PTCD1: variants seen among roughly 807,000 people sequenced by gnomAD.
PTCD1 encodes pentatricopeptide repeat-containing protein 1, mitochondrial.
PTCD1 carries 50 observed loss-of-function variants against 53.4 expected under a neutral mutation model. The observed-to-expected ratio is 0.94, with a 90% CI of 0.75 to 1.19. PTCD1 has a LOEUF of 1.19. Among genes scored for constraint, PTCD1 ranks in the 50% most tolerant of loss-of-function variants. The pLI is 0.00. For synonymous variants in PTCD1, 413 were observed against 394.8 expected (o/e 1.05, Z -0.55); for missense variants, 918 against 904.8 (o/e 1.01, Z -0.19).
chr7:99,438,217 G>A (rs1401182196), intron 1 of PTCD1, among the ~76,000 whole-genome samples: 1 of 152,056 alleles, frequency 6.6e-6, no homozygotes, highest in Non-Finnish European at 1.5e-5. Context: ...TTGGGCTTGG[G>A]GCCAGGAGTT....
intron 3 of PTCD1, among the ~76,000 whole-genome samples, chr7:99,431,363 C>T (rs1053688011): frequency 2.6e-5 from 4 of 151,912 alleles, no homozygotes; most frequent in South Asian, 2.1e-4. Context: ...CTCTTGACCT[C>T]GTGATCCGCC....
chr7:99,431,715 T>C (rs906753636), intron 3 of PTCD1, among the ~76,000 whole-genome samples: 4 of 152,026 alleles, frequency 2.6e-5, no homozygotes, highest in African/African-American at 9.7e-5. Flanking sequence ...CACTCCAGCC[T>C]GGGCGACAGA....
chr7:99,426,444 G>A (rs112857300), intron 5 of PTCD1, among the ~76,000 whole-genome samples: 1 of 152,282 alleles, frequency 6.6e-6, no homozygotes, highest in African/African-American at 2.4e-5. Context: ...CACCAACCTC[G>A]GCCTCCCGAG....
intron 3 of PTCD1, among the ~76,000 whole-genome samples, chr7:99,432,509 C>T (rs1158891970): frequency 6.6e-6 from 1 of 152,196 alleles, no homozygotes; most frequent in Middle Eastern, 3.2e-3. Flanking sequence ...CCCTATCGTC[C>T]TGCCACATCC....
At chr7:99,423,241 A>G (rs1441352951) in intron 7 of PTCD1, among the ~76,000 whole-genome samples, 1 of 152,126 alleles carries the variant, frequency 6.6e-6, no homozygotes, top group Non-Finnish European at 1.5e-5. Flanking sequence ...AGTACCCAGC[A>G]ACGTGCAGGT....
chr7:99,419,894 G>C lies in PTCD1; in HGVS notation c.*73C>G, dbSNP rs1183441873. On this transcript the variant is annotated 3_prime_UTR_variant, in exon 8 of 8. Transcript: ENST00000292478. ...CTGGCTCTTCCCCCAGGCAGGAGGTGACACCAGCTCACTTGTCCTGGGGCT... is the reference window on the plus strand; with the variant it reads ...CTGGCTCTTCCCCCAGGCAGGAGGTCACACCAGCTCACTTGTCCTGGGGCT... The C allele has an allele frequency of 3.7e-6, 6 of 1,607,548 alleles. No homozygotes were observed. The African/African-American group carries it at 8.0e-5, about 21-fold the overall frequency.
In PTCD1 at chr7:99,419,463, A is replaced by G. The variant is rs769653272; in HGVS notation, c.*504T>C. 6.2e-7 allele frequency: 1 copy of G among 1,608,932 alleles called. No individual in the cohort carries two copies. ...CTGAGGCTGGCGCGCTCCACCCTGG[A>G]CTCTGGACTTCGCAGGTTCCTGCCT... On this transcript the variant is annotated 3_prime_UTR_variant, in exon 8 of 8. Transcript: ENST00000292478.
At chr7:99,436,824 C>T (rs1325002653) in intron 1 of PTCD1, among the ~76,000 whole-genome samples, 1 of 152,118 alleles carries the variant, frequency 6.6e-6, no homozygotes, top group African/African-American at 2.4e-5. Flanking sequence ...TCTGGCAAGC[C>T]CTGCCACTCC....
rs1368741748 is a variant in PTCD1 at position 99,425,487 on chromosome 7, C to T, written c.1045G>A (p.Glu349Lys). The change falls in exon 6 of 8, where the codon GAG becomes AAG. Residue 349 changes from glutamate to lysine, a missense_variant. Transcript: ENST00000292478. ...VASELLLKPR[E>K]EATVLQPPVS... is the part of the protein sequence containing the mutation. ...GGGGGCTGAAGCACAGTCGCCTCCT[C>T]CCTGGGCTTCAGAAGCAGCTCTGAG... The T allele has an allele frequency of 1.9e-6, 3 of 1,612,808 alleles. No homozygotes were observed. Among genetic ancestry groups the T allele is most frequent in the Admixed American group, 1.7e-5 (1 of 60,010 alleles).
Position 99,429,724 on chromosome 7 carries a change from G to A in PTCD1, c.677C>T (p.Ser226Leu). The A allele has an allele frequency of 6.2e-7, 1 of 1,614,240 alleles. No individual in the cohort carries two copies. The highest frequency in any genetic ancestry group is 8.5e-7 in the Non-Finnish European group (1 of 1,180,044). The change falls in exon 4 of 8, where the codon TCA (serine) becomes TTA (leucine). Residue 226 changes from serine (S) to leucine (L), a missense_variant. Physicochemically the swap from Ser to Leu is moderately radical, Grantham distance 145. Coordinates refer to ENST00000292478, the MANE Select transcript of PTCD1 (RefSeq NM_015545.4). ...NVCAESPWKDSALQSALKLRQ... is the reference protein window; with the variant it reads ...NVCAESPWKDLALQSALKLRQ... ...GAGCTTCAGGGCGCTCTGTAGAGCT[G>A]AGTCCTTCCAGGGGGACTCGGCACA...
intron 7 of PTCD1, among the ~76,000 whole-genome samples, chr7:99,423,015 TCAC>T (rs1370532070): frequency 1.3e-5 from 2 of 151,308 alleles, no homozygotes; most frequent in Non-Finnish European, 2.9e-5. Flanking sequence ...TTTTTTTTTT[TCAC>T]CACCACACCG....
At position 99,423,894 on chromosome 7, in the gene PTCD1, G is replaced by C. The variant is rs1033923481; in HGVS notation, c.1801C>G (p.Leu601Val). ...ATGCTGATGAGATAGGTGTAGTTCA[G>C]CTTCCTGATGGCCGCGTTGATGAGG... is the stretch of plus-strand genomic sequence containing the variant. ...SALINAAIRK[L>V]NYTYLISILK... Residue 601 changes from leucine (L) to valine (V), a missense_variant, in exon 7 of 8, where the codon CTG becomes GTG. By Grantham distance (32) the Leu-to-Val change is conservative. Transcript: ENST00000292478. 1 of 1,614,172 alleles carries C rather than the reference G, an allele frequency of 6.2e-7. No homozygotes were observed. Among genetic ancestry groups the C allele is most frequent in the Admixed American group, 1.7e-5 (1 of 60,014 alleles).
In PTCD1 at chr7:99,435,003, T is replaced by C. The variant is rs781709537; in HGVS notation, c.240A>G (p.Glu80=). The change falls in exon 2 of 8, where the codon GAA becomes GAG. Residue 80 remains glutamate (E), a synonymous_variant. Coordinates refer to ENST00000292478, the MANE Select transcript of PTCD1 (RefSeq NM_015545.4). ...PSHSNSTATQ[E]EDEEEEESFG... Reference sequence around the variant, plus strand: ...AACTCTCCTCCTCCTCCTCGTCTTCTTCCTGCGTGGCCGTGGAGTTGGAGT... The same window carrying C: ...AACTCTCCTCCTCCTCCTCGTCTTCCTCCTGCGTGGCCGTGGAGTTGGAGT... 25 of 1,614,062 alleles carry C rather than the reference T, an allele frequency of 1.5e-5. No homozygotes were observed. The highest frequency in any genetic ancestry group is 3.3e-5 in the South Asian group (3 of 91,090).
Position 99,420,150 on chromosome 7 carries a change from CTAGAATTAG to C in PTCD1, c.1921-10_1921-2del. 1.2e-6 allele frequency: 2 copies of C among 1,614,182 alleles called. No homozygotes were observed. On this transcript the variant is annotated splice_acceptor_variant and splice_polypyrimidine_tract_variant and intron_variant, in intron 7 of 7. Coordinates refer to ENST00000292478, the MANE Select transcript of PTCD1 (RefSeq NM_015545.4). LOFTEE classifies it high-confidence loss of function. ...CCAGGTAGGTGTTCTTCCCTTGGTA[CTAGAATTAG>C]AAAAGTGAGGCTAGAATCACTCCTG... is the stretch of plus-strand genomic sequence containing the variant.
chr7:99,436,968 G>T (rs1796491211), intron 1 of PTCD1, among the ~76,000 whole-genome samples: 2 of 152,332 alleles, frequency 1.3e-5, no homozygotes, highest in African/African-American at 4.8e-5. Flanking sequence ...GGGCTCAAGT[G>T]ATCCTCCTAC....
Position 99,425,178 on chromosome 7 carries a change from C to T in PTCD1, c.1354G>A (p.Val452Met). 6.2e-7 allele frequency: 1 copy of T among 1,613,514 alleles called. No individual in the cohort carries two copies. Among genetic ancestry groups the T allele is most frequent in the Non-Finnish European group, 8.5e-7 (1 of 1,179,496 alleles). The change falls in exon 6 of 8, where the codon GTG becomes ATG. Residue 452 changes from valine (V) to methionine (M), a missense_variant. Coordinates refer to ENST00000292478, the MANE Select transcript of PTCD1 (RefSeq NM_015545.4). ...LLTPGAVPPT[V>M]VSFGTVTTPA... ...GTGGTCACCGTTCCAAAGGAGACCACTGTAGGGGGAACGGCCCCGGGGGTC... is the reference window on the plus strand; with the variant it reads ...GTGGTCACCGTTCCAAAGGAGACCATTGTAGGGGGAACGGCCCCGGGGGTC...
chr7:99,433,164 G>C (rs1392052554), intron 3 of PTCD1, 114 bp downstream of exon 3: 1 of 1,528,170 alleles, frequency 6.5e-7, no homozygotes, highest in Non-Finnish European at 9.1e-7. Context: ...AGATGACTCT[G>C]AGGCCAGGGA....
chr7:99,419,368 C>T lies in PTCD1; in HGVS notation c.*599G>A, dbSNP rs746525253. ...GGCGAGCGTGGCGCAGTGGCATCGT[C>T]TCACTGTCCTCCTCCGTTGCAGGGC... On this transcript the variant is annotated 3_prime_UTR_variant, in exon 8 of 8. Transcript: ENST00000292478. The T allele has an allele frequency of 1.2e-6, 2 of 1,612,558 alleles. No individual in the cohort carries two copies. The highest frequency in any genetic ancestry group is 1.3e-5 in the African/African-American group (1 of 74,902).
chr7:99,421,880 T>C (rs550229737), intron 7 of PTCD1, among the ~76,000 whole-genome samples: 1 of 152,176 alleles, frequency 6.6e-6, no homozygotes, highest in East Asian at 1.9e-4. Context: ...CCTTACAGAG[T>C]TACATCCTGA....
Sources: gnomAD v4.1 joint callset for allele counts (sites outside exome capture counted in the v4.1 genomes callset) on GRCh38, gnomAD v4.1.1 for gene constraint, MANE v1.5 for transcripts, NCBI Gene and HGNC (gene_info 2026-07-23, HGNC 2026-07-21) for gene names.